Variants in SOX6 observed in about 807,000 individuals in gnomAD.
The protein encoded by SOX6 is SRY-box transcription factor 6, also known as transcription factor SOX-6.
SOX6 carries 11 observed loss-of-function variants against 97.8 expected under a neutral mutation model. The observed-to-expected ratio is 0.11, with a 90% CI of 0.07 to 0.19. The LOEUF (loss-of-function observed/expected upper bound fraction) is 0.19. Among genes scored for constraint, SOX6 ranks in the 10% least tolerant of loss-of-function variants. The pLI is 1.00. For synonymous variants in SOX6, 360 were observed against 371.4 expected, an observed-to-expected ratio of 0.97 and a Z score of 0.35; for missense variants, 810 against 1,039.5, an observed-to-expected ratio of 0.78 and a Z score of 3.04.
At chr11:16,157,773 C>T (rs562614029) in intron 6 of SOX6, among the ~76,000 whole-genome samples, 2 of 151,988 alleles carry the variant, frequency 1.3e-5, no homozygotes, top group Non-Finnish European at 2.9e-5. Flanking sequence ...ATTTGTAGTT[C>T]CCTAACATGC....
chr11:16,469,771 GA>G (rs1242811302), intron 1 of SOX6, among the ~76,000 whole-genome samples: 1 of 151,734 alleles, frequency 6.6e-6, no homozygotes, highest in Non-Finnish European at 1.5e-5. Flanking sequence ...GTCAGAGAGG[GA>G]AAAAAAGATT....
intron 4 of SOX6, among the ~76,000 whole-genome samples, chr11:16,494,256 G>T (rs1220005362): frequency 6.6e-6 from 1 of 152,048 alleles, no homozygotes; most frequent in Non-Finnish European, 1.5e-5. Context: ...CATGCCTGTA[G>T]TCCCAGCTAC....
At chr11:16,730,029 A>AACAT (rs1554903367) in intron 2 of SOX6, among the ~76,000 whole-genome samples, 1 of 142,620 alleles carries the variant, frequency 7.0e-6, no homozygotes, top group African/African-American at 2.6e-5. Context: ...AACTATCCTA[A>AACAT]ATATATATAT....
chr11:16,260,210 C>T (rs980505892), intron 3 of SOX6, among the ~76,000 whole-genome samples: 1 of 151,946 alleles, frequency 6.6e-6, no homozygotes, highest in Admixed American at 6.6e-5. Flanking sequence ...CCATGTTAGC[C>T]ACGATGGTCT....
intron 3 of SOX6, among the ~76,000 whole-genome samples, chr11:16,297,318 A>C (rs1203895443): frequency 6.6e-6 from 1 of 152,144 alleles, no homozygotes; most frequent in Non-Finnish European, 1.5e-5. Context: ...TACAACATAA[A>C]TGCACCAAAT....
In SOX6 at chr11:16,356,201, A is replaced by T. The variant is rs2134367606; in HGVS notation, c.-112T>A. The stretch of plus-strand genomic sequence containing the variant: ...CTTTGACACCTTCCCAAATCACAAG[A>T]AACCTCTGACTGCCAACCAAAAAAA... On this transcript the variant is annotated 5_prime_UTR_variant, in exon 1 of 16. Transcript: ENST00000683767. Among the ~76,000 whole-genome samples, 1 of 151,716 alleles carries T rather than the reference A, an allele frequency of 6.6e-6. No homozygotes were observed. The highest frequency in any genetic ancestry group is 1.9e-4 in the East Asian group (1 of 5,158).
intron 3 of SOX6, among the ~76,000 whole-genome samples, chr11:16,644,706 C>T (rs10734248): frequency 0.99 from 151,377 of 152,318 alleles, 75,232 homozygotes; most frequent in East Asian, 1. Context: ...GAAAACTCCA[C>T]AGATACTTGA....
At chr11:16,628,570 C>T (rs769965096) in intron 3 of SOX6, among the ~76,000 whole-genome samples, 25 of 151,016 alleles carry the variant, frequency 1.7e-4, no homozygotes, top group Middle Eastern at 6.8e-3. Flanking sequence ...TTGCAGTGAG[C>T]CGAGATCACA....
intron 4 of SOX6, among the ~76,000 whole-genome samples, chr11:16,572,094 C>A (rs1235990522): frequency 6.6e-6 from 1 of 152,106 alleles, no homozygotes; most frequent in African/African-American, 2.4e-5. Context: ...TCTGAACTTA[C>A]AGTGTCAGTA....
At chr11:16,313,552 C>A (rs551741653) in intron 3 of SOX6, 1 of 152,182 alleles carries the variant, frequency 6.6e-6, no homozygotes, top group Non-Finnish European at 1.5e-5. Context: ...CAATGTCAGG[C>A]AAATATTGGT....
At chr11:16,223,648 A>AGG (rs912851210) in intron 4 of SOX6, among the ~76,000 whole-genome samples, 1 of 152,128 alleles carries the variant, frequency 6.6e-6, no homozygotes, top group African/African-American at 2.4e-5. Flanking sequence ...TAATAGAGAA[A>AGG]GGTTCCCCCT....
At chr11:16,322,039 T>G (rs1207427900) in intron 2 of SOX6, among the ~76,000 whole-genome samples, 1 of 152,158 alleles carries the variant, frequency 6.6e-6, no homozygotes, top group Non-Finnish European at 1.5e-5. Flanking sequence ...AAAGAATCTC[T>G]GGTTTTTTTA....
intron 4 of SOX6, among the ~76,000 whole-genome samples, chr11:16,603,922 T>C (rs1488404556): frequency 1.3e-5 from 2 of 152,188 alleles, no homozygotes; most frequent in Non-Finnish European, 2.9e-5. Flanking sequence ...TCGGGAATCC[T>C]GGAACCCAGA....
In SOX6 at chr11:16,316,451, A is replaced by T. The variant is rs542871107; in HGVS notation, c.445+1995T>A. 239 of 151,886 alleles carry T rather than the reference A, an allele frequency of 1.6e-3. 2 individuals carry two copies. Among genetic ancestry groups the T allele is most frequent in the African/African-American group, 5.7e-3 (236 of 41,500 alleles). 9.4% of individuals were successfully genotyped at this position (151,886 alleles called of 1,614,324 possible). On this transcript the variant is annotated intron_variant, in intron 3 of 15. Coordinates refer to ENST00000683767, the MANE Select transcript of SOX6 (RefSeq NM_001367873.1). ...CTAAAACATACATATTGCAAAAAAA[A>T]ATCTGTAGAGTATGAAAACATTCAT...
At chr11:16,500,741 C>A (rs1408162725) in intron 4 of SOX6, among the ~76,000 whole-genome samples, 3 of 152,114 alleles carry the variant, frequency 2.0e-5, no homozygotes, top group Non-Finnish European at 4.4e-5. Flanking sequence ...ATCTAGGAAT[C>A]CAACTCACGA....
At chr11:16,379,735 T>C (rs1857753459) in intron 1 of SOX6, among the ~76,000 whole-genome samples, 1 of 151,950 alleles carries the variant, frequency 6.6e-6, no homozygotes, top group East Asian at 1.9e-4. Context: ...ACAATCCATT[T>C]TTAAGAATTT....
chr11:16,422,715 C>T (rs1859042832), intron 1 of SOX6, among the ~76,000 whole-genome samples: 2 of 152,172 alleles, frequency 1.3e-5, no homozygotes, highest in African/African-American at 4.8e-5. Flanking sequence ...GCACCCTGCA[C>T]AGGGCTGTAA....
At chr11:16,377,136 C>T (rs1857664852) in intron 1 of SOX6, among the ~76,000 whole-genome samples, 1 of 151,860 alleles carries the variant, frequency 6.6e-6, no homozygotes, top group African/African-American at 2.4e-5. Flanking sequence ...AAAACTATAT[C>T]ATCAGGATTC....
intron 4 of SOX6, among the ~76,000 whole-genome samples, chr11:16,557,523 A>G (rs1847763269): frequency 1.3e-5 from 2 of 151,864 alleles, no homozygotes; most frequent in African/African-American, 4.8e-5. Context: ...TAATTAACAT[A>G]GTGCTGGTAA....
Sources: gnomAD v4.1 joint callset for allele counts (sites outside exome capture counted in the v4.1 genomes callset) on GRCh38, gnomAD v4.1.1 for gene constraint, MANE v1.5 for transcripts, NCBI Gene and HGNC (gene_info 2026-07-23, HGNC 2026-07-21) for gene names.